The following ATP2C2 variants were observed in gnomAD, a reference collection of about 807,000 sequenced individuals.
ATP2C2 encodes ATPase secretory pathway Ca2+ transporting 2.
In ATP2C2, 171 loss-of-function variants were observed where a neutral mutation model predicts 110.8. That is an observed-to-expected ratio of 1.54 (90% CI 1.36 to 1.75). ATP2C2 has a LOEUF of 1.75. Ranked by LOEUF, ATP2C2 falls within the 40% of genes most tolerant of loss-of-function variation. The pLI is 0.00. For synonymous variants in ATP2C2, 804 were observed against 508.4 expected (o/e 1.58, Z -7.82); for missense variants, 1,963 against 1,235.0 (o/e 1.59, Z -8.84).
At chr16:84,443,443 A>G (rs983875273) in intron 15 of ATP2C2, among the ~76,000 whole-genome samples, 3 of 151,992 alleles carry the variant, frequency 2.0e-5, no homozygotes, top group African/African-American at 7.3e-5. Flanking sequence ...AACCCTCTCC[A>G]TCAAGGTCAA....
intron 16 of ATP2C2, 72 bp from the exon 17 acceptor site, chr16:84,448,461 A>T: frequency 6.6e-7 from 1 of 1,505,556 alleles, no homozygotes; most frequent in South Asian, 1.3e-5. Context: ...AACCTTGTGC[A>T]GAGTGGGGTG....
intron 6 of ATP2C2, among the ~76,000 whole-genome samples, chr16:84,413,965 C>T (rs1355621373): frequency 6.6e-6 from 1 of 152,164 alleles, no homozygotes; most frequent in Non-Finnish European, 1.5e-5. Context: ...CAGTGAAGAA[C>T]AAGATGACCT....
chr16:84,448,234 C>T (rs963653698), intron 16 of ATP2C2, among the ~76,000 whole-genome samples: 7 of 152,022 alleles, frequency 4.6e-5, no homozygotes, highest in Admixed American at 3.3e-4. Flanking sequence ...TGATACCTCC[C>T]GTGCATGAAA....
rs1003260508 is a variant in ATP2C2, at chr16:84,443,293, G to A, written c.1401+694G>A. Among the ~76,000 whole-genome samples, 10 of 152,308 alleles carry A rather than the reference G, an allele frequency of 6.6e-5. 2 individuals are homozygous for A. Among genetic ancestry groups the A allele is most frequent in the Admixed American group, 5.2e-4 (8 of 15,310 alleles). On this transcript the variant is annotated intron_variant, in intron 15 of 26. Coordinates refer to ENST00000262429, the MANE Select transcript of ATP2C2 (RefSeq NM_014861.4). Reference sequence around the variant, plus strand: ...GAAGGTGGCCCCGGTCAGCTCCCACGTCTGTTTCCATGGCCACTTGGCCTG... The same window carrying A: ...GAAGGTGGCCCCGGTCAGCTCCCACATCTGTTTCCATGGCCACTTGGCCTG...
chr16:84,414,591 C>T (rs1168705658), intron 6 of ATP2C2, among the ~76,000 whole-genome samples: 2 of 152,200 alleles, frequency 1.3e-5, no homozygotes, highest in African/African-American at 2.4e-5. Flanking sequence ...CAATCAAGGG[C>T]AGGGGTCTTA....
intron 2 of ATP2C2, chr16:84,404,827 TTTAAG>T: frequency 2.9e-6 from 1 of 347,006 alleles, no homozygotes. Flanking sequence ...TTTTTTTTTT[TTTAAG>T]AAGAAAAGAT....
chr16:84,370,948 G>A (rs1337999418), intron 1 of ATP2C2, among the ~76,000 whole-genome samples: 1 of 152,226 alleles, frequency 6.6e-6, no homozygotes, highest in Non-Finnish European at 1.5e-5. Flanking sequence ...GAGGCTCCTA[G>A]TGGGGCCACG....
rs376445484 is a variant in ATP2C2, at chr16:84,397,601, G to A, written c.100-898G>A. Among the ~76,000 whole-genome samples the A allele has an allele frequency of 5.1e-5, 7 of 138,408 alleles. No individual in the cohort carries two copies. The East Asian group carries it at 1.1e-3, about 22-fold the overall frequency. The allele number at this position is 138,408 out of a possible 152,430, so 90.8% of individuals were successfully genotyped here. A position where few individuals can be genotyped will look rare whatever the true frequency, so the allele number is the denominator to read the frequency against. ...AAGCAGGAGGATCACCTGAGCCTGGGAGGTTGAGGCTGCAGTGAGCTATGA... is the reference window on the plus strand; with the variant it reads ...AAGCAGGAGGATCACCTGAGCCTGGAAGGTTGAGGCTGCAGTGAGCTATGA... On this transcript the variant is annotated intron_variant, in intron 1 of 26. Transcript: ENST00000262429.
intron 13 of ATP2C2, 32 bp downstream of exon 13, chr16:84,439,556 G>C (rs778383908): frequency 3.1e-6 from 5 of 1,589,538 alleles, no homozygotes; most frequent in Non-Finnish European, 3.5e-6. Context: ...AAGCCTTAAG[G>C]ATGCACCCAG....
chr16:84,458,750 T>A (rs1459154307), intron 21 of ATP2C2, among the ~76,000 whole-genome samples: 1 of 152,210 alleles, frequency 6.6e-6, no homozygotes, highest in Non-Finnish European at 1.5e-5. Context: ...GAACTGGTTT[T>A]GCTGCGTCTC....
At position 84,415,493 on chromosome 16, in the gene ATP2C2, G is replaced by T. The variant is rs1906750280; in HGVS notation, c.526G>T (p.Gly176Ter). 1 of 1,614,032 alleles carries T rather than the reference G, an allele frequency of 6.2e-7. No individual in the cohort carries two copies. Among genetic ancestry groups the T allele is most frequent in the African/African-American group, 1.3e-5 (1 of 74,930 alleles). The change falls in exon 7 of 27, where the codon GGA becomes TGA. Residue 176 changes from glycine to a stop codon, truncating the protein, a stop_gained. Coordinates refer to ENST00000262429, the MANE Select transcript of ATP2C2 (RefSeq NM_014861.4). LOFTEE classifies it high-confidence loss of function. ...VPPECNCLRE[G>*]KLQHLLAREL... ...CCATGTCAAATGCAGCCTAAGAGAA[G>T]GAAAACTCCAGCACCTGCTTGCTCG... is the stretch of plus-strand genomic sequence containing the variant.
intron 1 of ATP2C2, among the ~76,000 whole-genome samples, chr16:84,385,891 G>A (rs1250995204): frequency 1.3e-5 from 2 of 152,222 alleles, no homozygotes; most frequent in African/African-American, 4.8e-5. Flanking sequence ...TTCCAAATGA[G>A]ATTTGGGTGG....
chr16:84,403,528 G>C (rs943618688), intron 2 of ATP2C2, among the ~76,000 whole-genome samples: 1 of 151,974 alleles, frequency 6.6e-6, no homozygotes, highest in Non-Finnish European at 1.5e-5. Flanking sequence ...GACTAGCCTT[G>C]AACTCCTGGG....
At chr16:84,447,515 A>T (rs1390555917) in intron 16 of ATP2C2, among the ~76,000 whole-genome samples, 1 of 151,714 alleles carries the variant, frequency 6.6e-6, no homozygotes, top group Non-Finnish European at 1.5e-5. Flanking sequence ...CAACATCTGG[A>T]TGGTATTTTC....
chr16:84,428,577 T>C (rs1907990223), intron 11 of ATP2C2, among the ~76,000 whole-genome samples: 1 of 152,170 alleles, frequency 6.6e-6, no homozygotes. Context: ...GGAGCTGGAA[T>C]ATTATGTGAT....
At chr16:84,448,372 C>G (rs1260424212) in intron 16 of ATP2C2, among the ~76,000 whole-genome samples, 161 bp from the exon 17 acceptor site, 1 of 152,296 alleles carries the variant, frequency 6.6e-6, no homozygotes, top group South Asian at 2.1e-4. Context: ...TAGAACTTCG[C>G]GAACCTGTCC....
At chr16:84,439,335 G>A (rs1304109880) in intron 12 of ATP2C2, 45 bp downstream of exon 12, 4 of 1,613,510 alleles carry the variant, frequency 2.5e-6, no homozygotes, top group Non-Finnish European at 2.5e-6. Context: ...GGAATTGAAT[G>A]GGGGCTTGGC....
chr16:84,417,451 T>A (rs1415187942), intron 7 of ATP2C2, among the ~76,000 whole-genome samples: 2 of 152,222 alleles, frequency 1.3e-5, no homozygotes, highest in Non-Finnish European at 2.9e-5. Flanking sequence ...CACATGCCTT[T>A]TGTGGGGTAA....
intron 1 of ATP2C2, among the ~76,000 whole-genome samples, chr16:84,391,706 C>T (rs1322922050): frequency 1.3e-5 from 2 of 152,172 alleles, no homozygotes; most frequent in African/African-American, 2.4e-5. Context: ...GTGGCCCTGC[C>T]AGCATCTTGG....
Sources: gnomAD v4.1 joint callset for allele counts (sites outside exome capture counted in the v4.1 genomes callset) on GRCh38, gnomAD v4.1.1 for gene constraint, MANE v1.5 for transcripts, NCBI Gene and HGNC (gene_info 2026-07-23, HGNC 2026-07-21) for gene names.